SORCS3: variants seen among roughly 807,000 people sequenced by gnomAD.
SORCS3 encodes sortilin related VPS10 domain containing receptor 3, also known as VPS10 domain-containing receptor SorCS3.
Under a neutral mutation model 146.3 loss-of-function variants are expected in SORCS3, and 57 were observed. The ratio of observed to expected loss-of-function variants is 0.39; its 90% CI spans 0.31 to 0.49. The LOEUF (loss-of-function observed/expected upper bound fraction) is 0.49. Ranked by LOEUF, SORCS3 falls within the 20% of genes least tolerant of loss-of-function variation. The pLI is 0.92. For missense variants in SORCS3, 1,341 were observed against 1,575.5 expected (o/e 0.85, Z 2.52); for synonymous variants, 653 against 618.5 (o/e 1.06, Z -0.83).
chr10:104,668,609 C>T (rs1589452124), intron 1 of SORCS3, among the ~76,000 whole-genome samples: 2 of 152,196 alleles, frequency 1.3e-5, no homozygotes, highest in Admixed American at 6.5e-5. Context: ...TGATGTCTGT[C>T]TCATCAAAAT....
At chr10:105,253,668 A>G (rs1284327029) in intron 23 of SORCS3, among the ~76,000 whole-genome samples, 1 of 152,202 alleles carries the variant, frequency 6.6e-6, no homozygotes, top group East Asian at 1.9e-4. Flanking sequence ...ATGAATCACA[A>G]ACATTTGCTC....
chr10:105,091,268 C>G (rs548356022), intron 6 of SORCS3, among the ~76,000 whole-genome samples: 8 of 99,498 alleles, frequency 8.0e-5, no homozygotes, highest in Non-Finnish European at 1.7e-4. Flanking sequence ...TCCTTCCTTC[C>G]CTCCTTCCTT....
chr10:105,009,881 C>T (rs1394994989), intron 4 of SORCS3, among the ~76,000 whole-genome samples: 1 of 152,062 alleles, frequency 6.6e-6, no homozygotes, highest in South Asian at 2.1e-4. Flanking sequence ...TTCTCCCTGA[C>T]TTCCCATTTC....
At chr10:104,981,892 GT>G (rs547415997) in intron 4 of SORCS3, among the ~76,000 whole-genome samples, 3 of 152,154 alleles carry the variant, frequency 2.0e-5, no homozygotes, top group Non-Finnish European at 4.4e-5. Flanking sequence ...ATACAGCTGG[GT>G]TTGGAGATCA....
chr10:104,663,728 T>C (rs1187681514), intron 1 of SORCS3, among the ~76,000 whole-genome samples: 1 of 152,230 alleles, frequency 6.6e-6, no homozygotes, highest in Non-Finnish European at 1.5e-5. Context: ...AAATGCTTTT[T>C]CTAGGTTGCT....
intron 1 of SORCS3, among the ~76,000 whole-genome samples, chr10:104,761,758 G>A (rs981532502): frequency 2.0e-5 from 3 of 152,126 alleles, no homozygotes; most frequent in Non-Finnish European, 4.4e-5. Context: ...GGGCTGGATG[G>A]ACTGGTCTGG....
At chr10:104,883,746 G>C (rs1161737838) in intron 2 of SORCS3, among the ~76,000 whole-genome samples, 1 of 152,146 alleles carries the variant, frequency 6.6e-6, no homozygotes, top group Non-Finnish European at 1.5e-5. Flanking sequence ...AGCCTCTTAA[G>C]TATTAGGAAG....
intron 16 of SORCS3, among the ~76,000 whole-genome samples, chr10:105,208,930 C>T (rs1158985963): frequency 6.6e-6 from 1 of 152,078 alleles, no homozygotes; most frequent in Non-Finnish European, 1.5e-5. Flanking sequence ...TTTCTCCTTC[C>T]TTCCTTCCAG....
At chr10:105,150,651 G>A (rs370873162) in intron 9 of SORCS3, among the ~76,000 whole-genome samples, 3 of 152,132 alleles carry the variant, frequency 2.0e-5, no homozygotes, top group Non-Finnish European at 4.4e-5. Context: ...ACAAGAATGA[G>A]GGCTGGATAA....
chr10:105,099,954 A>G (rs922898981), intron 6 of SORCS3, among the ~76,000 whole-genome samples: 4 of 152,182 alleles, frequency 2.6e-5, no homozygotes, highest in Non-Finnish European at 4.4e-5. Flanking sequence ...TGACACCTGC[A>G]GCTTCTCTAT....
chr10:104,793,438 G>C, intron 1 of SORCS3, among the ~76,000 whole-genome samples: 1 of 152,168 alleles, frequency 6.6e-6, no homozygotes, highest in East Asian at 1.9e-4. Flanking sequence ...TTAATAGGGT[G>C]ACATTGGTAG....
intron 1 of SORCS3, among the ~76,000 whole-genome samples, chr10:104,820,352 T>C (rs909929043): frequency 6.6e-6 from 1 of 152,212 alleles, no homozygotes; most frequent in African/African-American, 2.4e-5. Flanking sequence ...CTTGCATTAT[T>C]GTCATTAACT....
intron 13 of SORCS3, 108 bp downstream of exon 13, chr10:105,167,457 A>G (rs766324033): frequency 2.0e-5 from 15 of 760,878 alleles, no homozygotes; most frequent in Middle Eastern, 2.4e-4. Flanking sequence ...ACATTTCCTC[A>G]TCCATTTATT....
At chr10:104,710,626 A>G (rs1440508663) in intron 1 of SORCS3, among the ~76,000 whole-genome samples, 2 of 152,198 alleles carry the variant, frequency 1.3e-5, no homozygotes, top group Non-Finnish European at 2.9e-5. Context: ...GCCAGAGGGA[A>G]CAGCACATCC....
intron 4 of SORCS3, among the ~76,000 whole-genome samples, chr10:105,007,553 G>T (rs1471307888): frequency 6.6e-6 from 1 of 152,146 alleles, no homozygotes; most frequent in East Asian, 1.9e-4. Context: ...GTGAGTTTGT[G>T]AGAGGGAAGA....
At chr10:105,059,051 C>T (rs1434299998) in intron 5 of SORCS3, among the ~76,000 whole-genome samples, 1 of 152,124 alleles carries the variant, frequency 6.6e-6, no homozygotes, top group African/African-American at 2.4e-5. Flanking sequence ...CCTCAGGAAT[C>T]TCCATCTGAA....
intron 1 of SORCS3, among the ~76,000 whole-genome samples, chr10:104,685,186 A>T (rs1463408524): frequency 6.6e-6 from 1 of 152,224 alleles, no homozygotes; most frequent in African/African-American, 2.4e-5. Flanking sequence ...GATAGCAGAC[A>T]TGCAATGCAA....
At chr10:105,134,721 C>A (rs938632296) in intron 7 of SORCS3, among the ~76,000 whole-genome samples, 1 of 152,110 alleles carries the variant, frequency 6.6e-6, no homozygotes, top group African/African-American at 2.4e-5. Context: ...TAGGAGAGGA[C>A]AGAAACAATC....
Position 105,164,355 on chromosome 10 carries a change from C to T in SORCS3, c.1785C>T (p.Ser595=), listed in dbSNP as rs547019749. The change falls in exon 12 of 27, where the codon TCC becomes TCT. Residue 595 remains serine, a synonymous_variant. Coordinates refer to ENST00000369701, the MANE Select transcript of SORCS3 (RefSeq NM_014978.3). ...CTGATATTGGTGTGTTCATCTCCTC[C>T]GATGGGGGCAACACATGGAGACAGG... ...SYTDIGVFIS[S]DGGNTWRQIF... 1.0e-4 allele frequency: 164 copies of T among 1,613,276 alleles called. 1 individual carries two copies. The East Asian group carries it at 1.2e-3, about 12-fold the overall frequency.
Sources: gnomAD v4.1 joint callset for allele counts (sites outside exome capture counted in the v4.1 genomes callset) on GRCh38, gnomAD v4.1.1 for gene constraint, MANE v1.5 for transcripts, NCBI Gene and HGNC (gene_info 2026-07-23, HGNC 2026-07-21) for gene names.